The following AKT3 variants were observed in gnomAD, a reference collection of about 807,000 sequenced individuals.
AKT3 encodes the protein RAC-gamma serine/threonine-protein kinase.
In AKT3, 15 loss-of-function variants were observed where a neutral mutation model predicts 65.3. The ratio of observed to expected loss-of-function variants is 0.23; its 90% CI spans 0.15 to 0.35. The LOEUF (loss-of-function observed/expected upper bound fraction) is 0.35, where lower values mean the gene tolerates loss of function less well. AKT3 is among the 10% of genes least tolerant of loss of function. AKT3 has a pLI of 1.00. For missense variants in AKT3, 243 were observed against 576.5 expected, an observed-to-expected ratio of 0.42 and a Z score of 5.92; for synonymous variants, 206 against 183.8, an observed-to-expected ratio of 1.12 and a Z score of -0.98.
chr1:243,757,762 A>C (rs1689229439), intron 2 of AKT3, among the ~76,000 whole-genome samples: 1 of 147,806 alleles, frequency 6.8e-6, no homozygotes. Flanking sequence ...TTATCTAATT[A>C]ATACTTTTTT....
At chr1:243,592,233 G>T (rs1473966743) in intron 8 of AKT3, among the ~76,000 whole-genome samples, 1 of 152,054 alleles carries the variant, frequency 6.6e-6, no homozygotes, top group Non-Finnish European at 1.5e-5. Flanking sequence ...TACTCTGGAG[G>T]CTGAGGCAGG....
intron 6 of AKT3, among the ~76,000 whole-genome samples, chr1:243,617,702 G>T (rs1445319208): frequency 2.6e-5 from 4 of 152,064 alleles, no homozygotes; most frequent in Admixed American, 6.6e-5. Context: ...AAGTGATGGG[G>T]TGGGGGTGAC....
At chr1:243,691,556 G>C (rs1242110914) in intron 3 of AKT3, among the ~76,000 whole-genome samples, 1 of 152,054 alleles carries the variant, frequency 6.6e-6, no homozygotes, top group Non-Finnish European at 1.5e-5. Flanking sequence ...ATAGGTTCAA[G>C]AAATATGCAG....
chr1:243,541,985 G>GT (rs1672351648), intron 12 of AKT3, among the ~76,000 whole-genome samples: 1 of 152,148 alleles, frequency 6.6e-6, no homozygotes, highest in African/African-American at 2.4e-5. Context: ...CAAAATTTGT[G>GT]TAAGACTTAA....
chr1:243,747,991 T>G lies in AKT3; in HGVS notation c.47-52275A>C, dbSNP rs568389567. Reference sequence around the variant, plus strand: ...CAACCATAATGACCTGTAAATTGTTTTATACTAAGGCCCAACGGTTCTAGC... The same window carrying G: ...CAACCATAATGACCTGTAAATTGTTGTATACTAAGGCCCAACGGTTCTAGC... On this transcript the variant is annotated intron_variant, in intron 2 of 13. Coordinates refer to ENST00000673466, the MANE Select transcript of AKT3 (RefSeq NM_005465.7). Among the ~76,000 whole-genome samples, 153 of 152,316 alleles carry G rather than the reference T, an allele frequency of 1.0e-3. 1 individual carries two copies. Among genetic ancestry groups the G allele is most frequent in the Non-Finnish European group, 2.4e-4 (16 of 68,012 alleles).
chr1:243,580,431 A>G (rs934354904), intron 8 of AKT3, among the ~76,000 whole-genome samples: 2 of 152,194 alleles, frequency 1.3e-5, no homozygotes, highest in East Asian at 3.9e-4. Flanking sequence ...CCCGGGAAAA[A>G]GAGCAGGACA....
At chr1:243,800,875 AT>A (rs1285248567) in intron 2 of AKT3, among the ~76,000 whole-genome samples, 1 of 152,230 alleles carries the variant, frequency 6.6e-6, no homozygotes, top group African/African-American at 2.4e-5. Flanking sequence ...TAAATATCAT[AT>A]AATTAACCTA....
chr1:243,598,347 CT>C (rs1406534795), intron 8 of AKT3, among the ~76,000 whole-genome samples: 2 of 151,996 alleles, frequency 1.3e-5, no homozygotes, highest in Non-Finnish European at 1.5e-5. Context: ...AAATAGGGAG[CT>C]TATCTTTATC....
rs1674676569 is a variant in AKT3 at position 243,573,008 on chromosome 1, T to A, written c.737A>T (p.Asp246Val). ...HLSRERVFSEDRTRFYGAEIV... is the reference protein window; with the variant it reads ...HLSRERVFSEVRTRFYGAEIV... The stretch of plus-strand genomic sequence containing the variant: ...TTCTGCACCATAGAAACGTGTGCGG[T>A]CCTCAGAGAACACCCGCTCTCTCGA... The change falls in exon 9 of 14, where the codon GAC becomes GTC. Residue 246 changes from aspartate (D) to valine (V), a missense_variant. Physicochemically the swap from Asp to Val is radical, Grantham distance 152. Coordinates refer to ENST00000673466, the MANE Select transcript of AKT3 (RefSeq NM_005465.7). The A allele has an allele frequency of 6.2e-7, 1 of 1,613,364 alleles. No individual in the cohort carries two copies. Among genetic ancestry groups the A allele is most frequent in the Non-Finnish European group, 8.5e-7 (1 of 1,179,632 alleles).
chr1:243,844,741 C>T (rs1695438528), intron 1 of AKT3, among the ~76,000 whole-genome samples: 2 of 152,180 alleles, frequency 1.3e-5, no homozygotes, highest in African/African-American at 4.8e-5. Flanking sequence ...AGAAATACAA[C>T]TTTTCCTGGG....
At chr1:243,696,590 A>T (rs1478312894) in intron 2 of AKT3, among the ~76,000 whole-genome samples, 1 of 151,932 alleles carries the variant, frequency 6.6e-6, no homozygotes, top group Non-Finnish European at 1.5e-5. Context: ...TTAAATCTCA[A>T]ATGCTTAGGC....
intron 8 of AKT3, among the ~76,000 whole-genome samples, chr1:243,603,921 G>GT (rs1341266463): frequency 7.1e-6 from 1 of 140,446 alleles, no homozygotes; most frequent in Non-Finnish European, 1.5e-5. Context: ...TTGAGATGGA[G>GT]TTTTGCTCTT....
Position 243,649,313 on chromosome 1 carries a change from A to ATGTGTG in AKT3, c.285-3282_285-3277dup, listed in dbSNP as rs55765060. Among the ~76,000 whole-genome samples the ATGTGTG allele has an allele frequency of 8.5e-4, 124 of 146,014 alleles. 1 individual carries two copies. The highest frequency in any genetic ancestry group is 2.6e-3 in the African/African-American group (101 of 38,340). On this transcript the variant is annotated intron_variant, in intron 4 of 13. Transcript: ENST00000673466. The stretch of plus-strand genomic sequence containing the variant: ...ATGACCAAGAATATGTTATGTGTAT[A>ATGTGTG]TGTGTGTGTGTGTGTGTGTGTGTGT...
chr1:243,604,101 G>A (rs1236838738), intron 8 of AKT3, among the ~76,000 whole-genome samples: 1 of 151,858 alleles, frequency 6.6e-6, no homozygotes, highest in Non-Finnish European at 1.5e-5. Context: ...CTCCATGTTG[G>A]TCAGGCTGGT....
chr1:243,745,232 C>A (rs566561711), intron 2 of AKT3, among the ~76,000 whole-genome samples: 2 of 151,864 alleles, frequency 1.3e-5, no homozygotes, highest in South Asian at 2.1e-4. Context: ...CCCAGCTACT[C>A]AAGAGGCTGA....
chr1:243,730,648 G>A (rs113557588), intron 2 of AKT3, among the ~76,000 whole-genome samples: 3 of 152,168 alleles, frequency 2.0e-5, no homozygotes, highest in Non-Finnish European at 2.9e-5. Flanking sequence ...CCTGGGAGCC[G>A]CCGGCTGGGG....
chr1:243,805,326 A>G (rs1035574283), intron 2 of AKT3, among the ~76,000 whole-genome samples: 1 of 151,858 alleles, frequency 6.6e-6, no homozygotes, highest in African/African-American at 2.4e-5. Context: ...TCTCCTCCCA[A>G]CCTTCACTCC....
At chr1:243,801,881 T>C (rs1034757100) in intron 2 of AKT3, among the ~76,000 whole-genome samples, 1 of 152,224 alleles carries the variant, frequency 6.6e-6, no homozygotes, top group Admixed American at 6.5e-5. Context: ...TGGAATCTTA[T>C]ATCCAAAAAC....
chr1:243,718,892 G>C (rs1014647204), intron 2 of AKT3, among the ~76,000 whole-genome samples: 4 of 151,966 alleles, frequency 2.6e-5, no homozygotes, highest in African/African-American at 9.7e-5. Context: ...CTATATTTAG[G>C]TGTTGTAGAA....
Sources: allele counts gnomAD v4.1 joint callset (sites outside exome capture counted in the v4.1 genomes callset), GRCh38; gene constraint gnomAD v4.1.1; transcripts MANE v1.5; gene names NCBI Gene and HGNC (gene_info 2026-07-23, HGNC 2026-07-21).